MCF2L2: variants seen among roughly 807,000 people sequenced by gnomAD.
MCF2L2 encodes the protein probable guanine nucleotide exchange factor MCF2L2.
Under a neutral mutation model 150.2 loss-of-function variants are expected in MCF2L2, and 102 were observed. The observed-to-expected ratio is 0.68, with a 90% CI of 0.58 to 0.80. The LOEUF is 0.80. Ranked by LOEUF, MCF2L2 falls within the 30% of genes least tolerant of loss-of-function variation. MCF2L2 has a pLI of 0.00. For missense variants in MCF2L2, 1,256 were observed against 1,372.8 expected, an observed-to-expected ratio of 0.91 and a Z score of 1.34; for synonymous variants, 465 against 491.3, an observed-to-expected ratio of 0.95 and a Z score of 0.71.
intron 10 of MCF2L2, among the ~76,000 whole-genome samples, chr3:183,306,814 A>G (rs775849457): frequency 1.7e-4 from 26 of 152,212 alleles, no homozygotes; most frequent in Non-Finnish European, 3.2e-4. Context: ...CCTGGGTTCC[A>G]TGCCTTCTTA....
intron 3 of MCF2L2, among the ~76,000 whole-genome samples, chr3:183,357,548 C>G (rs900989909): frequency 6.6e-6 from 1 of 152,172 alleles, no homozygotes; most frequent in Non-Finnish European, 1.5e-5. Context: ...AACCCAACAC[C>G]TGACTTCATG....
At chr3:183,254,776 C>CG (rs1436358316) in intron 15 of MCF2L2, 2 of 152,234 alleles carry the variant, frequency 1.3e-5, no homozygotes, top group African/African-American at 4.8e-5. Flanking sequence ...GAGTTACTGG[C>CG]GGGGGAAATG....
chr3:183,223,781 A>T (rs1056403522), intron 19 of MCF2L2, among the ~76,000 whole-genome samples: 2 of 152,218 alleles, frequency 1.3e-5, no homozygotes, highest in African/African-American at 4.8e-5. Context: ...GCCAGAGTCT[A>T]TTCAGGCCTT....
rs1476905161 is a variant in MCF2L2 at position 183,179,439 on chromosome 3, C to T, written c.3286G>A (p.Ala1096Thr). Residue 1096 changes from alanine to threonine, a missense_variant, in exon 30 of 30, where the codon GCG becomes ACG. By Grantham distance (58) the Ala-to-Thr change is moderately conservative. Transcript: ENST00000328913. The surrounding 1 kb of genome is among the most constrained non-coding windows in gnomAD (Gnocchi z 4.2). ...ASTGRLAPAG[A>T]TAGFQARALR... is the part of the protein sequence containing the mutation. ...GCCCTCGCCTGGAAACCAGCCGTCG[C>T]CCCCGCAGGAGCCAGCCGGCCCGTG... 1.3e-6 allele frequency: 2 copies of T among 1,582,374 alleles called. No homozygotes were observed. Among genetic ancestry groups the T allele is most frequent in the Admixed American group, 1.9e-5 (1 of 53,674 alleles).
chr3:183,329,483 G>A (rs372711067), intron 5 of MCF2L2, among the ~76,000 whole-genome samples: 98 of 152,306 alleles, frequency 6.4e-4, no homozygotes, highest in African/African-American at 2.3e-3. Context: ...CACCATGTTT[G>A]GCTGCAGCTT....
Position 183,323,312 on chromosome 3 carries a change from T to C in MCF2L2, c.526A>G (p.Ile176Val), listed in dbSNP as rs1729891294. 1.9e-6 allele frequency: 3 copies of C among 1,613,996 alleles called. No individual in the cohort carries two copies. Among genetic ancestry groups the C allele is most frequent in the Non-Finnish European group, 2.5e-6 (3 of 1,179,878 alleles). The change falls in exon 6 of 30, where the codon ATC becomes GTC. Residue 176 changes from isoleucine to valine, a missense_variant. Transcript: ENST00000328913. ...TCCCGGGTCAGTTGGCTTTTGTCGA[T>C]GTAGCCGTGAAGGTCAGAGACAGAG... ...VNSVSDLHGY[I>V]DKSQLTRELG...
chr3:183,298,255 T>TA (rs1577040127), intron 11 of MCF2L2: 2 of 152,330 alleles, frequency 1.3e-5, no homozygotes. Context: ...AGGGAGCCCT[T>TA]ATGCTACCTG....
At chr3:183,395,736 T>C (rs1714402394) in intron 1 of MCF2L2, among the ~76,000 whole-genome samples, 1 of 151,798 alleles carries the variant, frequency 6.6e-6, no homozygotes, top group Non-Finnish European at 1.5e-5. Flanking sequence ...CTGGCCAACA[T>C]GGTAGAACCC....
chr3:183,217,549 C>T (rs773727800), intron 21 of MCF2L2, among the ~76,000 whole-genome samples: 4 of 152,034 alleles, frequency 2.6e-5, no homozygotes, highest in Non-Finnish European at 4.4e-5. Flanking sequence ...AAGCCTTATT[C>T]CTGTGGGAAA....
At chr3:183,340,341 T>C (rs1234718253) in intron 4 of MCF2L2, among the ~76,000 whole-genome samples, 1 of 152,210 alleles carries the variant, frequency 6.6e-6, no homozygotes, top group East Asian at 1.9e-4. Context: ...TGTCCTGCTT[T>C]ACCACACTAC....
intron 1 of MCF2L2, among the ~76,000 whole-genome samples, chr3:183,427,483 C>A (rs138130721): frequency 2.0e-5 from 3 of 152,156 alleles, no homozygotes; most frequent in African/African-American, 7.2e-5. Context: ...TATAAACAAG[C>A]CTTCAGTGGC....
chr3:183,326,334 A>G (rs1197595218), intron 5 of MCF2L2, among the ~76,000 whole-genome samples: 1 of 151,970 alleles, frequency 6.6e-6, no homozygotes, highest in Non-Finnish European at 1.5e-5. Flanking sequence ...TCTACTAAAA[A>G]TACAAAAATT....
chr3:183,353,563 GGC>G (rs575405312), intron 3 of MCF2L2, among the ~76,000 whole-genome samples: 54 of 152,188 alleles, frequency 3.5e-4, no homozygotes, highest in African/African-American at 1.2e-3. Context: ...GGCAAAGCGG[GGC>G]AGGCACGTCT....
intron 14 of MCF2L2, among the ~76,000 whole-genome samples, chr3:183,282,308 A>G (rs908367690): frequency 6.6e-6 from 1 of 151,804 alleles, no homozygotes; most frequent in Non-Finnish European, 1.5e-5. Flanking sequence ...CCTCCCGAGT[A>G]GCTGGGACTA....
intron 5 of MCF2L2, among the ~76,000 whole-genome samples, chr3:183,329,290 C>T (rs544899038): frequency 6.6e-6 from 1 of 152,244 alleles, no homozygotes; most frequent in Admixed American, 6.5e-5. Flanking sequence ...TCTGCCTCAG[C>T]AATTCTCCTG....
intron 3 of MCF2L2, among the ~76,000 whole-genome samples, chr3:183,346,053 C>T (rs371561828): frequency 6.6e-6 from 1 of 152,180 alleles, no homozygotes; most frequent in South Asian, 2.1e-4. Context: ...AGAGGGACTC[C>T]TCCCTAGCTC....
chr3:183,399,505 G>C (rs1714629253), intron 1 of MCF2L2, among the ~76,000 whole-genome samples: 1 of 152,184 alleles, frequency 6.6e-6, no homozygotes, highest in South Asian at 2.1e-4. Flanking sequence ...GAAACAAGTA[G>C]CTGCTTCAGC....
chr3:183,326,214 G>A (rs1465142365), intron 5 of MCF2L2, among the ~76,000 whole-genome samples: 1 of 151,974 alleles, frequency 6.6e-6, no homozygotes, highest in African/African-American at 2.4e-5. Flanking sequence ...TGAAGAGGCT[G>A]GGCGCAGTGA....
chr3:183,230,868 G>A, intron 16 of MCF2L2, 83 bp downstream of exon 16: 2 of 1,050,572 alleles, frequency 1.9e-6, no homozygotes, highest in Non-Finnish European at 2.9e-6. Flanking sequence ...GAGACTTCTG[G>A]CAACTATTTT....
Sources: allele counts gnomAD v4.1 joint callset (sites outside exome capture counted in the v4.1 genomes callset), GRCh38; gene constraint gnomAD v4.1.1; non-coding constraint Gnocchi (gnomAD v3.1); transcripts MANE v1.5; gene names NCBI Gene and HGNC (gene_info 2026-07-23, HGNC 2026-07-21).